Variants in DLG2 observed in about 807,000 individuals in gnomAD.
The protein encoded by DLG2 is disks large homolog 2.
In DLG2, 45 loss-of-function variants were observed where a neutral mutation model predicts 132.5. The ratio of observed to expected loss-of-function variants is 0.34; its 90% CI spans 0.27 to 0.44. The LOEUF (loss-of-function observed/expected upper bound fraction) is 0.44. DLG2 is among the 20% of genes least tolerant of loss of function. The pLI is 1.00. For missense variants in DLG2, 1,045 were observed against 1,196.9 expected, an observed-to-expected ratio of 0.87 and a Z score of 1.87; for synonymous variants, 424 against 419.6, an observed-to-expected ratio of 1.01 and a Z score of -0.13.
At chr11:84,074,268 T>G (rs963219351) in intron 10 of DLG2, among the ~76,000 whole-genome samples, 1 of 152,330 alleles carries the variant, frequency 6.6e-6, no homozygotes, top group South Asian at 2.1e-4. Context: ...TCAGTTTTTT[T>G]GTTATCTTTT....
intron 7 of DLG2, among the ~76,000 whole-genome samples, chr11:84,389,481 T>C (rs911535735): frequency 6.6e-6 from 1 of 152,166 alleles, no homozygotes; most frequent in African/African-American, 2.4e-5. Flanking sequence ...AATTGTATGC[T>C]TAATTTTCTT....
intron 16 of DLG2, among the ~76,000 whole-genome samples, chr11:83,846,951 A>G (rs2058744542): frequency 6.6e-6 from 1 of 151,588 alleles, no homozygotes; most frequent in Non-Finnish European, 1.5e-5. Flanking sequence ...CAAAAAAAAA[A>G]AAAAAAAAAG....
intron 3 of DLG2, among the ~76,000 whole-genome samples, chr11:85,497,698 A>T (rs942349118): frequency 1.3e-5 from 2 of 152,216 alleles, no homozygotes; most frequent in African/African-American, 2.4e-5. Flanking sequence ...GGTTACCCAC[A>T]AAGTGAAGCC....
intron 3 of DLG2, among the ~76,000 whole-genome samples, chr11:85,286,298 A>C (rs1316438943): frequency 1.3e-5 from 2 of 152,124 alleles, no homozygotes; most frequent in Non-Finnish European, 2.9e-5. Context: ...GTTCTATAGA[A>C]AGTTACAGGC....
chr11:84,113,809 T>C lies in DLG2; in HGVS notation c.625-14762A>G, dbSNP rs142001332. On this transcript the variant is annotated intron_variant, in intron 9 of 27. Transcript: ENST00000376104. ...TGAACGAATTTTAATGTAATGGTAA[T>C]AAAAGTTCAATGATAGAGTCTCAGA... Among the ~76,000 whole-genome samples the C allele has an allele frequency of 5.8e-4, 88 of 152,258 alleles. No individual in the cohort carries two copies. In the East Asian group the frequency reaches 0.01, roughly 17 times the overall value.
Position 83,833,670 on chromosome 11 carries a change from C to A in DLG2, c.1666G>T (p.Ala556Ser), listed in dbSNP as rs2055242110. ...GEGIFVSFIL[A>S]GGPADLSGEL... ...CCACTTAGGTCTGCTGGTCCACCAG[C>A]CAGAATGAAGGACACAAAAATACCT... Residue 556 changes from alanine to serine, a missense_variant, in exon 17 of 28, where the codon GCT becomes TCT. Around this residue, in one of 4 missense-constraint regions of DLG2, gnomAD observed 398 missense variants for 543.6 expected, o/e 0.73. Coordinates refer to ENST00000376104, the MANE Select transcript of DLG2 (RefSeq NM_001142699.3). The A allele has an allele frequency of 1.9e-6, 3 of 1,614,054 alleles. No homozygotes were observed. The highest frequency in any genetic ancestry group is 1.7e-6 in the Non-Finnish European group (2 of 1,179,970).
At chr11:84,845,031 T>C (rs2081278912) in intron 6 of DLG2, among the ~76,000 whole-genome samples, 1 of 152,102 alleles carries the variant, frequency 6.6e-6, no homozygotes, top group Non-Finnish European at 1.5e-5. Flanking sequence ...ATTATTCCAA[T>C]CATAGAGTTA....
At chr11:84,251,531 C>G (rs759474169) in intron 7 of DLG2, among the ~76,000 whole-genome samples, 7 of 151,746 alleles carry the variant, frequency 4.6e-5, no homozygotes, top group Non-Finnish European at 1.0e-4. Context: ...AATTTACATT[C>G]ATTTTCTCTT....
At chr11:83,787,152 C>T (rs530816546) in intron 17 of DLG2, among the ~76,000 whole-genome samples, 12 of 151,888 alleles carry the variant, frequency 7.9e-5, no homozygotes, top group African/African-American at 2.7e-4. Context: ...AAGAGAGACA[C>T]ATGTAATGTA....
At chr11:85,274,291 C>G (rs2077743328) in intron 4 of DLG2, among the ~76,000 whole-genome samples, 1 of 152,122 alleles carries the variant, frequency 6.6e-6, no homozygotes, top group Non-Finnish European at 1.5e-5. Context: ...TGCAAGGAAA[C>G]TAAGGTGGGC....
chr11:85,526,616 T>G (rs1423765667), intron 3 of DLG2, among the ~76,000 whole-genome samples: 2 of 152,118 alleles, frequency 1.3e-5, no homozygotes, highest in African/African-American at 4.8e-5. Flanking sequence ...GGTAACTACA[T>G]GAGAATAATA....
chr11:83,708,398 A>G (rs2153657830), intron 18 of DLG2, among the ~76,000 whole-genome samples: 2 of 152,356 alleles, frequency 1.3e-5, no homozygotes, highest in Non-Finnish European at 2.9e-5. Flanking sequence ...ATACGTTGCT[A>G]TTTAATACCT....
intron 18 of DLG2, among the ~76,000 whole-genome samples, chr11:83,719,143 T>G (rs768838039): frequency 6.6e-6 from 1 of 152,166 alleles, no homozygotes; most frequent in Non-Finnish European, 1.5e-5. Flanking sequence ...TAACAGTGAC[T>G]CTTATTTGGT....
chr11:84,387,971 T>A (rs1178166559), intron 7 of DLG2, among the ~76,000 whole-genome samples: 1 of 152,146 alleles, frequency 6.6e-6, no homozygotes, highest in East Asian at 1.9e-4. Flanking sequence ...GAGGGAAAAC[T>A]TTAGTGTGGA....
chr11:83,925,815 T>C (rs775890027), intron 15 of DLG2, among the ~76,000 whole-genome samples: 1 of 152,120 alleles, frequency 6.6e-6, no homozygotes, highest in Admixed American at 6.6e-5. Flanking sequence ...CAGCCAAGAA[T>C]ACTATTCTCC....
At position 85,575,745 on chromosome 11, in the gene DLG2, A is replaced by G. The variant is rs115297745; in HGVS notation, c.40+22912T>C. Among the ~76,000 whole-genome samples, 171 of 151,152 alleles carry G rather than the reference A, an allele frequency of 1.1e-3. 1 individual carries two copies. Among genetic ancestry groups the G allele is most frequent in the African/African-American group, 4.0e-3 (166 of 41,488 alleles). On this transcript the variant is annotated intron_variant, in intron 3 of 27. Coordinates refer to ENST00000376104, the MANE Select transcript of DLG2 (RefSeq NM_001142699.3). ...TAAATAGGACTTTAATAATTACTCT[A>G]TTTAAAACAGCAACTCTTCTTCTAC...
At chr11:84,533,965 A>T (rs951138365) in intron 7 of DLG2, among the ~76,000 whole-genome samples, 4 of 149,756 alleles carry the variant, frequency 2.7e-5, no homozygotes, top group African/African-American at 7.3e-5. Context: ...GCCAAGGGGC[A>T]TAGAAAAGTA....
intron 7 of DLG2, among the ~76,000 whole-genome samples, chr11:84,401,178 A>C (rs1567534793): frequency 6.6e-6 from 1 of 152,112 alleles, no homozygotes; most frequent in African/African-American, 2.4e-5. Context: ...AAAACTGCAA[A>C]GACCTGCATA....
chr11:84,240,274 A>T (rs1295959458), intron 8 of DLG2, among the ~76,000 whole-genome samples: 1 of 152,242 alleles, frequency 6.6e-6, no homozygotes, highest in Non-Finnish European at 1.5e-5. Context: ...GGAGCAGCAT[A>T]GACATTCTAG....
Sources: allele counts gnomAD v4.1 joint callset (sites outside exome capture counted in the v4.1 genomes callset), GRCh38; gene constraint gnomAD v4.1.1; regional missense constraint gnomAD v4.1.1; transcripts MANE v1.5; gene names NCBI Gene and HGNC (gene_info 2026-07-23, HGNC 2026-07-21).